Variants in PLXNA4 observed in about 807,000 individuals in gnomAD.
PLXNA4 encodes plexin A4.
A neutral mutation model predicts 191.8 loss-of-function variants in PLXNA4; 44 were observed. That is an observed-to-expected ratio of 0.23 (90% CI 0.18 to 0.29). The LOEUF (loss-of-function observed/expected upper bound fraction) is 0.29, where lower values mean the gene tolerates loss of function less well. PLXNA4 is among the 10% of genes least tolerant of loss of function. PLXNA4 has a pLI of 1.00. For missense variants in PLXNA4, 1,800 were observed against 2,488.8 expected, an observed-to-expected ratio of 0.72 and a Z score of 5.89; for synonymous variants, 1,082 against 1,009.5, an observed-to-expected ratio of 1.07 and a Z score of -1.36.
At chr7:132,382,182 G>A (rs1209462674) in intron 3 of PLXNA4, among the ~76,000 whole-genome samples, 3 of 152,200 alleles carry the variant, frequency 2.0e-5, no homozygotes, top group Non-Finnish European at 4.4e-5. Flanking sequence ...CACAGGCTGA[G>A]GAGGTCTCCT....
intron 3 of PLXNA4, among the ~76,000 whole-genome samples, chr7:132,334,009 G>A (rs1199052850): frequency 6.6e-6 from 1 of 152,138 alleles, no homozygotes; most frequent in Non-Finnish European, 1.5e-5. Context: ...TTTAGCTGCT[G>A]TTGTTATGCT....
At position 132,403,605 on chromosome 7, in the gene PLXNA4, T is replaced by C. The variant is rs57637576; in HGVS notation, c.1371+85687A>G. 8.9e-3 allele frequency among the ~76,000 whole-genome samples: 1,352 copies of C among 152,238 alleles called. 18 individuals are homozygous for C. The highest frequency in any genetic ancestry group is 0.03 in the African/African-American group (1,264 of 41,548). ...TTCCCAAATTGGCCTGGGTTTAAAT[T>C]GGGACTTTTTTTTCCCTTCCTGGCC... is the stretch of plus-strand genomic sequence containing the variant. On this transcript the variant is annotated intron_variant, in intron 3 of 31. Transcript: ENST00000321063.
chr7:132,401,577 T>C (rs1793986439), intron 3 of PLXNA4, among the ~76,000 whole-genome samples: 1 of 151,986 alleles, frequency 6.6e-6, no homozygotes, highest in East Asian at 1.9e-4. Flanking sequence ...GGAAGTCCGG[T>C]AGGATGAGGG....
intron 2 of PLXNA4, among the ~76,000 whole-genome samples, chr7:132,612,035 T>A (rs1432266187): frequency 2.0e-5 from 3 of 152,102 alleles, no homozygotes; most frequent in East Asian, 1.9e-4. Flanking sequence ...ATTGCTGTTT[T>A]GAGCTCCTGC....
At chr7:132,413,153 G>A (rs956203993) in intron 3 of PLXNA4, among the ~76,000 whole-genome samples, 1 of 152,158 alleles carries the variant, frequency 6.6e-6, no homozygotes, top group Non-Finnish European at 1.5e-5. Flanking sequence ...GTTACACAGA[G>A]GTAAACTGAG....
chr7:132,484,003 G>C (rs1020931156), intron 3 of PLXNA4, among the ~76,000 whole-genome samples: 7 of 152,186 alleles, frequency 4.6e-5, no homozygotes, highest in Admixed American at 4.6e-4. Context: ...AGGTGGGTGG[G>C]CCCAAGGGCA....
chr7:132,235,560 G>C (rs1294150094), intron 5 of PLXNA4, among the ~76,000 whole-genome samples: 2 of 152,214 alleles, frequency 1.3e-5, no homozygotes, highest in African/African-American at 2.4e-5. Context: ...GGGTCGTGAG[G>C]GGGTGAAAGG....
At chr7:132,541,153 T>C (rs1800063882) in intron 1 of PLXNA4, among the ~76,000 whole-genome samples, 1 of 152,210 alleles carries the variant, frequency 6.6e-6, no homozygotes, top group Non-Finnish European at 1.5e-5. Context: ...CCCGAAGCAC[T>C]GGATGAAATG....
chr7:132,587,086 G>A (rs1030990765), intron 2 of PLXNA4, among the ~76,000 whole-genome samples: 4 of 152,166 alleles, frequency 2.6e-5, no homozygotes, highest in Non-Finnish European at 2.9e-5. Context: ...CAGACTATAC[G>A]TGCATTATTG....
intron 1 of PLXNA4, among the ~76,000 whole-genome samples, chr7:132,540,879 G>C (rs1585302961): frequency 6.6e-6 from 1 of 152,062 alleles, no homozygotes; most frequent in African/African-American, 2.4e-5. Context: ...GAGCCACCGC[G>C]CCCGGCCTGG....
intron 2 of PLXNA4, among the ~76,000 whole-genome samples, chr7:132,621,032 G>T (rs1803250146): frequency 6.6e-6 from 1 of 151,952 alleles, no homozygotes; most frequent in African/African-American, 2.4e-5. Context: ...TTTCATTCAT[G>T]AGGGCTCCAC....
At chr7:132,359,173 GC>G (rs976376501) in intron 3 of PLXNA4, among the ~76,000 whole-genome samples, 2 of 146,252 alleles carry the variant, frequency 1.4e-5, no homozygotes, top group African/African-American at 5.0e-5. Flanking sequence ...TTTATGTTCA[GC>G]CCCCTCCTAT....
chr7:132,273,153 C>A (rs983161755), intron 4 of PLXNA4, among the ~76,000 whole-genome samples: 2 of 152,134 alleles, frequency 1.3e-5, no homozygotes, highest in African/African-American at 2.4e-5. Context: ...ACATAGCCCT[C>A]ATCTTCATGG....
At chr7:132,186,693 C>T (rs573833281) in intron 15 of PLXNA4, among the ~76,000 whole-genome samples, 9 of 152,358 alleles carry the variant, frequency 5.9e-5, no homozygotes, top group African/African-American at 9.6e-5. Flanking sequence ...TCTGACCTAA[C>T]GGACCCTATC....
intron 3 of PLXNA4, among the ~76,000 whole-genome samples, chr7:132,470,867 A>G (rs1796908759): frequency 6.6e-6 from 1 of 152,234 alleles, no homozygotes; most frequent in Non-Finnish European, 1.5e-5. Flanking sequence ...GAGCTCCTGG[A>G]AAGGCATGAA....
At chr7:132,396,880 C>T (rs978001837) in intron 3 of PLXNA4, among the ~76,000 whole-genome samples, 3 of 152,260 alleles carry the variant, frequency 2.0e-5, no homozygotes, top group Admixed American at 6.5e-5. Flanking sequence ...CAGAGTGAAG[C>T]AGGATGCTCG....
rs1479106697 is a variant in PLXNA4 at position 132,127,849 on chromosome 7, CATGGAATAAAAT to C, written c.*2618_*2629del. The C allele has an allele frequency of 6.8e-6, 1 of 147,190 alleles. No homozygotes were observed. Among genetic ancestry groups the C allele is most frequent in the Non-Finnish European group, 1.5e-5 (1 of 65,234 alleles). The allele number at this position is 147,190 out of a possible 1,614,324, so 9.1% of individuals were successfully genotyped here. A position where few individuals can be genotyped will look rare whatever the true frequency, so the allele number is the denominator to read the frequency against. ...TTTGAAATTTTTCTTATAACAAAAA[CATGGAATAAAAT>C]AAAGTCCTGTACCGCCAAAGTAACA... On this transcript the variant is annotated 3_prime_UTR_variant, in exon 32 of 32. Coordinates refer to ENST00000321063, the MANE Select transcript of PLXNA4 (RefSeq NM_020911.2).
At chr7:132,454,022 C>T (rs1211737594) in intron 3 of PLXNA4, among the ~76,000 whole-genome samples, 1 of 152,184 alleles carries the variant, frequency 6.6e-6, no homozygotes, top group Non-Finnish European at 1.5e-5. Context: ...CACCCTTGTC[C>T]CTGCTCTCTG....
intron 14 of PLXNA4, among the ~76,000 whole-genome samples, chr7:132,190,484 T>G (rs1376757690): frequency 6.6e-6 from 1 of 152,222 alleles, no homozygotes; most frequent in Non-Finnish European, 1.5e-5. Flanking sequence ...ACCCAGGATC[T>G]GTAGCATTGG....
Sources: gnomAD v4.1 joint callset for allele counts (sites outside exome capture counted in the v4.1 genomes callset) on GRCh38, gnomAD v4.1.1 for gene constraint, MANE v1.5 for transcripts, NCBI Gene and HGNC (gene_info 2026-07-23, HGNC 2026-07-21) for gene names.